Variants in PKD1 observed in about 807,000 individuals in gnomAD.
PKD1 encodes polycystin 1, transient receptor potential channel interacting.
Under a neutral mutation model 361.7 loss-of-function variants are expected in PKD1, and 81 were observed. That is an observed-to-expected ratio of 0.22 (90% confidence interval 0.19 to 0.27). The LOEUF (loss-of-function observed/expected upper bound fraction) is 0.27. PKD1 is among the 10% of genes least tolerant of loss of function. The pLI, the probability that PKD1 is intolerant of heterozygous loss-of-function variation, is 1.00. For synonymous variants in PKD1, 3,615 were observed against 2,818.3 expected (o/e 1.28, Z -8.95); for missense variants, 6,399 against 6,118.3 (o/e 1.05, Z -1.53).
chr16:2,113,460 C>G (rs1057801), intron 11 of PKD1, 168 bp from the exon 12 acceptor site: 45 of 753,550 alleles, frequency 6.0e-5, no homozygotes, highest in African/African-American at 3.1e-4. Flanking sequence ...CTGGGACACT[C>G]ACTGTCCGGC....
intron 22 of PKD1, among the ~76,000 whole-genome samples, 169 bp downstream of exon 22, chr16:2,104,329 G>A (rs1390867548): frequency 1.2e-5 from 1 of 85,088 alleles, no homozygotes. Flanking sequence ...AGGGAAGGGG[G>A]AGGGGGAGGA....
At position 2,103,540 on chromosome 16, in the gene PKD1, G is replaced by A. The variant is rs751850310; in HGVS notation, c.8517C>T (p.Ile2839=). ...CCTTGGTGGAGACGGTGTAGTTGCT[G>A]ATATAGCCAAAGGGAAAGGGATTGG... The part of the protein sequence containing the change: ...VDSNPFPFGY[I]SNYTVSTKVA... The change falls in exon 23 of 46, where the codon ATC becomes ATT. Residue 2839 remains isoleucine (I), a synonymous_variant. Transcript: ENST00000262304. 35 of 1,608,726 alleles carry A rather than the reference G, an allele frequency of 2.2e-5. No homozygotes were observed. Among genetic ancestry groups the A allele is most frequent in the African/African-American group, 2.7e-5 (2 of 74,862 alleles).
Position 2,103,296 on chromosome 16 carries a change from G to A in PKD1, c.8761C>T (p.His2921Tyr), listed in dbSNP as rs1264586542. 12 of 1,609,274 alleles carry A rather than the reference G, an allele frequency of 7.5e-6. No homozygotes were observed. Among genetic ancestry groups the A allele is most frequent in the Non-Finnish European group, 1.0e-5 (12 of 1,179,680 alleles). The change falls in exon 23 of 46, where the codon CAT becomes TAT. Residue 2921 changes from histidine (H) to tyrosine (Y), a missense_variant. Coordinates refer to ENST00000262304, the MANE Select transcript of PKD1 (RefSeq NM_001009944.3). ...LDSSNPAAGL[H>Y]LQLNYTLLDG... ...AGCAGCGTATAGTTGAGCTGCAGAT[G>A]CAGCCCGGCCGCAGGGTTGCTGCTG...
rs149210297 is a variant in PKD1, at chr16:2,111,031, T to A, written c.4136A>T (p.Glu1379Val). Residue 1379 changes from glutamate to valine, a missense_variant, in exon 15 of 46, where the codon GAG becomes GTG. Glu to Val is a moderately radical substitution (Grantham distance 121, BLOSUM62 -2). Coordinates refer to ENST00000262304, the MANE Select transcript of PKD1 (RefSeq NM_001009944.3). Reference sequence around the variant, plus strand: ...TGGCTGCAGGGTGACGTTGCCCACCTCTGGCTCCACGCAGATGCTGGTGAA... The same window carrying A: ...TGGCTGCAGGGTGACGTTGCCCACCACTGGCTCCACGCAGATGCTGGTGAA... ...HYFTSICVEP[E>V]VGNVTLQPER... 94 of 1,610,658 alleles carry A rather than the reference T, an allele frequency of 5.8e-5. No individual in the cohort carries two copies. Among genetic ancestry groups the A allele is most frequent in the Middle Eastern group, 4.5e-4 (2 of 4,454 alleles).
chr16:2,123,100 G>A (rs1313608917), intron 1 of PKD1, among the ~76,000 whole-genome samples: 1 of 152,178 alleles, frequency 6.6e-6, no homozygotes, highest in East Asian at 1.9e-4. Flanking sequence ...CAGGCCTGGG[G>A]GTGCCATGGA....
chr16:2,125,131 G>A (rs557192549), intron 1 of PKD1, among the ~76,000 whole-genome samples: 1 of 152,248 alleles, frequency 6.6e-6, no homozygotes, highest in Non-Finnish European at 1.5e-5. Context: ...TTCTATTTAA[G>A]GAGAGTGAGG....
Position 2,110,321 on chromosome 16 carries a change from C to G in PKD1, c.4846G>C (p.Glu1616Gln), listed in dbSNP as rs566014072. ...ATGCTGTCCTGGGCGGAGCCCACCT[C>G]GTTCTCAGCCGTGACGATGATATTG... ...TFNIIVTAENEVGSAQDSIFV... is the reference protein window; with the variant it reads ...TFNIIVTAENQVGSAQDSIFV... Residue 1616 changes from glutamate (E) to glutamine (Q), a missense_variant, in exon 15 of 46, where the codon GAG (glutamate) becomes CAG (glutamine). Glu to Gln is a conservative substitution (Grantham distance 29). Transcript: ENST00000262304. 2.5e-6 allele frequency: 4 copies of G among 1,612,648 alleles called. No homozygotes were observed. Among genetic ancestry groups the G allele is most frequent in the Non-Finnish European group, 2.5e-6 (3 of 1,179,854 alleles).
In PKD1 at chr16:2,089,701, C is replaced by CGGCCCACCCCCGCCAGGAAGGAG. The variant is rs1384723785; in HGVS notation, c.*3_*25dup. 2.6e-6 allele frequency: 4 copies of CGGCCCACCCCCGCCAGGAAGGAG among 1,557,698 alleles called. No individual in the cohort carries two copies. The East Asian group carries it at 7.1e-5, about 28-fold the overall frequency. ...CTGAGCGGTGTCCACTCCGACTCCACGGCCCACCCCCGCCAGGAAGGAGGA... is the reference window on the plus strand; with the variant it reads ...CTGAGCGGTGTCCACTCCGACTCCACGGCCCACCCCCGCCAGGAAGGAGGGCCCACCCCCGCCAGGAAGGAGGA... On this transcript the variant is annotated 3_prime_UTR_variant, in exon 46 of 46. Transcript: ENST00000262304.
chr16:2,129,830 C>T (rs1375911042), intron 1 of PKD1, among the ~76,000 whole-genome samples: 1 of 151,788 alleles, frequency 6.6e-6, no homozygotes, highest in Admixed American at 6.6e-5. Flanking sequence ...GGATTCCAGG[C>T]GTGAGTGACC....
chr16:2,094,470 C>T (rs910949065), intron 34 of PKD1, among the ~76,000 whole-genome samples: 10 of 152,218 alleles, frequency 6.6e-5, no homozygotes, highest in African/African-American at 2.4e-4. Context: ...CCATCGCCCA[C>T]AGCCTGACCA....
At chr16:2,102,723 G>A (rs1402428235) in intron 24 of PKD1, 90 bp from the exon 25 acceptor site, 6 of 1,604,072 alleles carry the variant, frequency 3.7e-6, no homozygotes, top group Admixed American at 1.7e-5. Context: ...CAGTCCCCTC[G>A]CTGCCTGCCG....
chr16:2,099,465 C>G lies in PKD1; in HGVS notation c.10050+179G>C, dbSNP rs1216624679. ...TCTTTCACCATTCTGGCTTCTGAGT[C>G]TTCTCTCTTTCTCCCTGGTCAGTCT... On this transcript the variant is annotated intron_variant, in intron 30 of 45. Transcript: ENST00000262304. 4.3e-6 allele frequency: 3 copies of G among 700,960 alleles called. No homozygotes were observed. In the African/African-American group the frequency reaches 5.3e-5, roughly 12 times the overall value. The allele number at this position is 700,960 out of a possible 1,614,324, so 43.4% of individuals were successfully genotyped here.
At chr16:2,112,255 AG>A (rs760529180) in intron 14 of PKD1, 84 bp downstream of exon 14, 4 of 1,193,166 alleles carry the variant, frequency 3.4e-6, no homozygotes, top group East Asian at 5.0e-5. Context: ...TTGGGGAGGA[AG>A]GGGGGCAGCT....
rs777239075 is a variant in PKD1 at position 2,109,815 on chromosome 16, C to T, written c.5352G>A (p.Gly1784=). 6 of 1,610,608 alleles carry T rather than the reference C, an allele frequency of 3.7e-6. No individual in the cohort carries two copies. The South Asian group carries it at 4.4e-5, about 12-fold the overall frequency. ...PGLHLVTMTA[G]NPLGSANATV... ...TGGCGTTGGCTGAGCCCAGCGGGTT[C>T]CCTGCCGTCATGGTGACCAAGTGCA... The change falls in exon 15 of 46, where the codon GGG becomes GGA. Residue 1784 remains glycine, a synonymous_variant. Transcript: ENST00000262304.
intron 1 of PKD1, among the ~76,000 whole-genome samples, chr16:2,125,464 C>T (rs1382641133): frequency 2.0e-5 from 3 of 152,248 alleles, no homozygotes; most frequent in East Asian, 1.9e-4. Context: ...ATCCCTCCCA[C>T]GGCTGAACTG....
chr16:2,091,705 G>A lies in PKD1; in HGVS notation c.11537+76C>T. The A allele has an allele frequency of 2.5e-6, 4 of 1,582,988 alleles. No individual in the cohort carries two copies. In the South Asian group the frequency reaches 3.4e-5, roughly 14 times the overall value. On this transcript the variant is annotated intron_variant, in intron 41 of 45. Transcript: ENST00000262304. The stretch of plus-strand genomic sequence containing the variant: ...CTGTGGAAGCCGCCTAGGCCAGCGG[G>A]GGCCGGAGGAGTGAGGGTGGGCTCC...
intron 34 of PKD1, among the ~76,000 whole-genome samples, chr16:2,096,568 T>C (rs1048945760): frequency 1.3e-5 from 2 of 152,072 alleles, no homozygotes; most frequent in Non-Finnish European, 2.9e-5. Flanking sequence ...CAGGCTGGAG[T>C]GCAGTGGCGC....
At position 2,109,537 on chromosome 16, in the gene PKD1, G is replaced by A. The variant is rs1404783460; in HGVS notation, c.5630C>T (p.Ala1877Val). 8 of 1,611,112 alleles carry A rather than the reference G, an allele frequency of 5.0e-6. No individual in the cohort carries two copies. The African/African-American group carries it at 8.0e-5, about 16-fold the overall frequency. The change falls in exon 15 of 46, where the codon GCC (alanine) becomes GTC (valine). Residue 1877 changes from alanine to valine, a missense_variant. Transcript: ENST00000262304. Reference protein sequence around the residue: ...NASNAVSWVSATYNLTAEEPI... With the variant: ...NASNAVSWVSVTYNLTAEEPI... ...CTCCTCCGCCGTGAGGTTGTACGTG[G>A]CTGAGACCCAGCTGACTGCGTTGGA... is the stretch of plus-strand genomic sequence containing the variant.
chr16:2,091,825 G>C lies in PKD1; in HGVS notation c.11493C>G (p.Arg3831=). Residue 3831 remains arginine, a synonymous_variant, in exon 41 of 46, where the codon CGC becomes CGG. Transcript: ENST00000262304. ...GCAGCTGCAGGAAGCGCAGCCGGTC[G>C]CGGCTCTCCTCCAGGCTCAGGCCCA... ...QELGLSLEES[R]DRLRFLQLHN... is the part of the protein sequence containing the mutation. The C allele has an allele frequency of 1.2e-6, 2 of 1,610,226 alleles. No individual in the cohort carries two copies. The highest frequency in any genetic ancestry group is 1.7e-6 in the Non-Finnish European group (2 of 1,179,136).
Sources: gnomAD v4.1 joint callset for allele counts (sites outside exome capture counted in the v4.1 genomes callset) on GRCh38, gnomAD v4.1.1 for gene constraint, MANE v1.5 for transcripts, NCBI Gene and HGNC (gene_info 2026-07-23, HGNC 2026-07-21) for gene names.